PCDH15: variants seen among roughly 807,000 people sequenced by gnomAD.
PCDH15 encodes the protein protocadherin-15.
Under a neutral mutation model 178.5 loss-of-function variants are expected in PCDH15, and 129 were observed. The observed-to-expected ratio is 0.72, with a 90% confidence interval of 0.63 to 0.84. PCDH15 has a LOEUF of 0.84. PCDH15 is among the 40% of genes least tolerant of loss of function. The pLI is 0.00. For synonymous variants in PCDH15, 800 were observed against 732.0 expected (o/e 1.09, Z -1.50); for missense variants, 2,230 against 2,099.9 (o/e 1.06, Z -1.21).
intron 2 of PCDH15, among the ~76,000 whole-genome samples, chr10:54,991,453 A>G (rs1159836460): frequency 6.6e-6 from 1 of 152,180 alleles, no homozygotes; most frequent in African/African-American, 2.4e-5. Flanking sequence ...TAATGGGTCA[A>G]TAAAAAGTAA....
intron 9 of PCDH15, among the ~76,000 whole-genome samples, chr10:54,215,387 T>C (rs2051905541): frequency 6.6e-6 from 1 of 152,162 alleles, no homozygotes; most frequent in African/African-American, 2.4e-5. Flanking sequence ...AAACCGACTG[T>C]AAAATCTACA....
At chr10:54,172,486 C>T (rs559148874) in intron 13 of PCDH15, among the ~76,000 whole-genome samples, 1 of 152,088 alleles carries the variant, frequency 6.6e-6, no homozygotes, top group African/African-American at 2.4e-5. Context: ...GTTTGGTGGT[C>T]TCTTCACGCG....
chr10:54,062,152 G>A (rs1213724525), intron 18 of PCDH15, among the ~76,000 whole-genome samples: 2 of 146,976 alleles, frequency 1.4e-5, no homozygotes, highest in Non-Finnish European at 3.0e-5. Flanking sequence ...GAACCTGGGC[G>A]GCAGAGGTTG....
At chr10:55,568,408 G>A (rs755267859) in intron 2 of PCDH15, among the ~76,000 whole-genome samples, 3 of 151,862 alleles carry the variant, frequency 2.0e-5, no homozygotes, top group Non-Finnish European at 2.9e-5. Flanking sequence ...TGCTAATGGA[G>A]GGAAAATTTT....
At chr10:55,196,232 C>A (rs972171887) in intron 1 of PCDH15, among the ~76,000 whole-genome samples, 1 of 152,080 alleles carries the variant, frequency 6.6e-6, no homozygotes, top group Non-Finnish European at 1.5e-5. Context: ...TCCATCATCC[C>A]AGTCATGTAC....
chr10:54,138,250 G>T (rs946664830), intron 14 of PCDH15, among the ~76,000 whole-genome samples: 1 of 151,846 alleles, frequency 6.6e-6, no homozygotes, highest in Non-Finnish European at 1.5e-5. Context: ...ATTGTGAGGT[G>T]TGTGTGTGTG....
chr10:55,246,201 A>G (rs1841673738), intron 1 of PCDH15, among the ~76,000 whole-genome samples: 1 of 152,222 alleles, frequency 6.6e-6, no homozygotes, highest in African/African-American at 2.4e-5. Flanking sequence ...ATAATCGGCT[A>G]TGAATAAATA....
chr10:54,214,138 C>T (rs1198665368), intron 9 of PCDH15, 90 bp from the exon 10 acceptor site: 9 of 737,848 alleles, frequency 1.2e-5, no homozygotes, highest in Non-Finnish European at 2.0e-5. Context: ...AGCTGAGGAA[C>T]AAAGCTACAA....
chr10:54,693,040 AC>A (rs1192961945), intron 1 of PCDH15, among the ~76,000 whole-genome samples: 27 of 151,338 alleles, frequency 1.8e-4, no homozygotes, highest in African/African-American at 6.3e-4. Context: ...CTCATACCCT[AC>A]CCCGCAACAG....
intron 8 of PCDH15, among the ~76,000 whole-genome samples, chr10:54,240,252 C>G (rs1177485517): frequency 1.3e-5 from 2 of 148,170 alleles, no homozygotes; most frequent in East Asian, 3.9e-4. Context: ...ATAATATGTA[C>G]GTATTCAGTT....
intron 11 of PCDH15, among the ~76,000 whole-genome samples, chr10:54,188,844 A>C (rs2048707856): frequency 6.6e-6 from 1 of 151,980 alleles, no homozygotes; most frequent in Non-Finnish European, 1.5e-5. Context: ...ACAGACATGT[A>C]TAGACATATG....
intron 26 of PCDH15, among the ~76,000 whole-genome samples, chr10:53,879,190 C>T (rs1358257610): frequency 1.3e-5 from 2 of 151,992 alleles, no homozygotes; most frequent in Non-Finnish European, 2.9e-5. Context: ...GGAAGCAGGA[C>T]CATTTTCTGA....
At chr10:54,363,951 G>A (rs1018320636) in intron 5 of PCDH15, among the ~76,000 whole-genome samples, 1 of 152,088 alleles carries the variant, frequency 6.6e-6, no homozygotes, top group Non-Finnish European at 1.5e-5. Flanking sequence ...AGTGGCTCAT[G>A]CCTGTAATCT....
intron 29 of PCDH15, among the ~76,000 whole-genome samples, chr10:53,832,817 G>A (rs181396878): frequency 1.1e-4 from 16 of 151,876 alleles, no homozygotes; most frequent in East Asian, 7.7e-4. Context: ...TTTAAATCCC[G>A]TTAACACACT....
At position 54,195,876 on chromosome 10, in the gene PCDH15, T is replaced by C. The variant is rs1206001587; in HGVS notation, c.1112A>G (p.Asn371Ser). ...FDLVIKAEQD[N>S]GHPLPAFAGL... ...GGCAAAGGCAGGAAGAGGATGACCA[T>C]TGTCTTGTTCAGCCTAAAATTGAAA... Residue 371 changes from asparagine (N) to serine (S), a missense_variant, in exon 11 of 38, where the codon AAT (asparagine) becomes AGT (serine). Coordinates refer to ENST00000644397, the MANE Select transcript of PCDH15 (RefSeq NM_001384140.1). 7 of 1,613,572 alleles carry C rather than the reference T, an allele frequency of 4.3e-6. No individual in the cohort carries two copies. Among genetic ancestry groups the C allele is most frequent in the Middle Eastern group, 1.7e-4 (1 of 6,056 alleles).
At chr10:54,072,081 A>C (rs907011761) in intron 17 of PCDH15, among the ~76,000 whole-genome samples, 1 of 152,090 alleles carries the variant, frequency 6.6e-6, no homozygotes, top group Non-Finnish European at 1.5e-5. Flanking sequence ...GAATATTGAA[A>C]ATTTCCATCT....
At chr10:55,265,820 C>A (rs548126622) in intron 1 of PCDH15, among the ~76,000 whole-genome samples, 1 of 152,256 alleles carries the variant, frequency 6.6e-6, no homozygotes, top group Admixed American at 6.5e-5. Flanking sequence ...ATTACTCAGG[C>A]AGCCCCTCAT....
At position 53,925,374 on chromosome 10, in the gene PCDH15, C is replaced by T. The variant is rs557875501; in HGVS notation, c.3373+13441G>A. Reference sequence around the variant, plus strand: ...TCTGCAGTTTCACTCCTGAAGCCAGCGGGACCACGAACCCACCAGAAGGAA... The same window carrying T: ...TCTGCAGTTTCACTCCTGAAGCCAGTGGGACCACGAACCCACCAGAAGGAA... On this transcript the variant is annotated intron_variant, in intron 25 of 37. Transcript: ENST00000644397. Among the ~76,000 whole-genome samples the T allele has an allele frequency of 2.3e-3, 352 of 152,268 alleles. 1 individual carries two copies. The highest frequency in any genetic ancestry group is 7.7e-3 in the African/African-American group (320 of 41,560).
intron 7 of PCDH15, among the ~76,000 whole-genome samples, chr10:54,319,449 A>G (rs2061459919): frequency 6.6e-6 from 1 of 152,176 alleles, no homozygotes; most frequent in African/African-American, 2.4e-5. Context: ...GTCACATATT[A>G]TACGATCCAT....
Sources: gnomAD v4.1 joint callset for allele counts (sites outside exome capture counted in the v4.1 genomes callset) on GRCh38, gnomAD v4.1.1 for gene constraint, MANE v1.5 for transcripts, NCBI Gene and HGNC (gene_info 2026-07-23, HGNC 2026-07-21) for gene names.